MYO9A: variants seen among roughly 807,000 people sequenced by gnomAD.
MYO9A encodes the protein myosin IXA.
In MYO9A, 103 loss-of-function variants were observed where a neutral mutation model predicts 293.3. The observed-to-expected ratio is 0.35, with a 90% confidence interval of 0.30 to 0.41. The LOEUF (loss-of-function observed/expected upper bound fraction) is 0.41. Among genes scored for constraint, MYO9A ranks in the 10% least tolerant of loss-of-function variants. The probability of loss-of-function intolerance (pLI) is 1.00; values close to 1 mark genes in which losing one functional copy is unlikely to be tolerated. For missense variants in MYO9A, 2,685 were observed against 3,033.0 expected, an observed-to-expected ratio of 0.89 and a Z score of 2.69; for synonymous variants, 1,001 against 1,035.7, an observed-to-expected ratio of 0.97 and a Z score of 0.64.
intron 1 of MYO9A, among the ~76,000 whole-genome samples, chr15:72,100,258 T>C (rs1386218429): frequency 6.6e-6 from 1 of 152,116 alleles, no homozygotes; most frequent in East Asian, 1.9e-4. Context: ...GGCTCACACC[T>C]GGAATCCCAG....
intron 1 of MYO9A, among the ~76,000 whole-genome samples, chr15:72,104,185 T>A (rs1465111284): frequency 6.6e-6 from 1 of 152,164 alleles, no homozygotes; most frequent in Admixed American, 6.5e-5. Flanking sequence ...CTCACAAGGG[T>A]AAACAACTGA....
intron 18 of MYO9A, among the ~76,000 whole-genome samples, chr15:71,926,371 C>A (rs147162774): frequency 1.5e-3 from 224 of 152,150 alleles, no homozygotes; most frequent in African/African-American, 4.7e-3. Flanking sequence ...CAAGTCCAGA[C>A]AGGGCAACAT....
chr15:72,084,839 G>A (rs2079665200), intron 1 of MYO9A, among the ~76,000 whole-genome samples: 1 of 152,200 alleles, frequency 6.6e-6, no homozygotes, highest in Admixed American at 6.5e-5. Context: ...CCATTAGTCT[G>A]ATGGGCTTCC....
chr15:72,041,422 G>A (rs2149593368), intron 2 of MYO9A: 1 of 373,338 alleles, frequency 2.7e-6, no homozygotes, highest in East Asian at 7.4e-5. Context: ...TCCACGTTGT[G>A]AACAGAAGGA....
chr15:72,100,061 C>T (rs985280764), intron 1 of MYO9A, among the ~76,000 whole-genome samples: 2 of 151,884 alleles, frequency 1.3e-5, no homozygotes, highest in African/African-American at 2.4e-5. Flanking sequence ...CCAGCCTGGG[C>T]AGTATAGCAA....
In MYO9A at chr15:71,893,051, G is replaced by A. The variant is rs769703670; in HGVS notation, c.5142+628C>T. On this transcript the variant is annotated intron_variant, in intron 26 of 41. Transcript: ENST00000356056. ...GAAGCTTGGTCAAGGGAGAGAAGGG[G>A]CTCAATAATGTCATCGTAATCATCT... 4.5e-5 allele frequency: 58 copies of A among 1,289,722 alleles called. No individual in the cohort carries two copies. In the South Asian group the frequency reaches 7.0e-4, roughly 16 times the overall value. 79.9% of individuals were successfully genotyped at this position (1,289,722 alleles called of 1,614,324 possible).
rs200087998 is a variant in MYO9A, at chr15:71,862,662, G to A, written c.5980-51C>T. Reference sequence around the variant, plus strand: ...TATTAAAGCCAACACAGTAAATGCTGCCCTAACGTGGTGGGAAATCCTTCA... The same window carrying A: ...TATTAAAGCCAACACAGTAAATGCTACCCTAACGTGGTGGGAAATCCTTCA... On this transcript the variant is annotated intron_variant, in intron 32 of 41. Coordinates refer to ENST00000356056, the MANE Select transcript of MYO9A (RefSeq NM_006901.4). The A allele has an allele frequency of 4.3e-5, 53 of 1,220,788 alleles. No individual in the cohort carries two copies. In the East Asian group the frequency reaches 6.6e-4, roughly 15 times the overall value. The allele number at this position is 1,220,788 out of a possible 1,614,324, so 75.6% of individuals were successfully genotyped here. A position where few individuals can be genotyped will look rare whatever the true frequency, so the allele number is the denominator to read the frequency against.
Position 71,879,710 on chromosome 15 carries a change from G to A in MYO9A, c.5739+11C>T. The A allele has an allele frequency of 6.3e-7, 1 of 1,581,832 alleles. No homozygotes were observed. Among genetic ancestry groups the A allele is most frequent in the Non-Finnish European group, 8.7e-7 (1 of 1,151,368 alleles). ...GAACTACTAAATATCTCCTAACATA[G>A]TCCAACTCACCGCCAATGCAGATGA... On this transcript the variant is annotated intron_variant, in intron 30 of 41. Transcript: ENST00000356056.
chr15:72,051,548 C>T (rs1370232164), intron 1 of MYO9A, among the ~76,000 whole-genome samples: 4 of 152,150 alleles, frequency 2.6e-5, no homozygotes, highest in Admixed American at 2.6e-4. Context: ...CAGGAAGGCC[C>T]CCCGCCCAGT....
Position 72,027,718 on chromosome 15 carries a change from T to C in MYO9A, c.998+13A>G. ...TGTTAACTTCATCTAATTACACAAA[T>C]AAAAATACGTACCGTTCATTATGCT... is the stretch of plus-strand genomic sequence containing the variant. On this transcript the variant is annotated intron_variant, in intron 4 of 41. Coordinates refer to ENST00000356056, the MANE Select transcript of MYO9A (RefSeq NM_006901.4). 1.3e-6 allele frequency: 2 copies of C among 1,589,426 alleles called. No homozygotes were observed. The highest frequency in any genetic ancestry group is 1.7e-6 in the Non-Finnish European group (2 of 1,166,786).
intron 15 of MYO9A, among the ~76,000 whole-genome samples, chr15:71,940,104 G>A (rs1567296943): frequency 6.6e-6 from 1 of 152,106 alleles, no homozygotes; most frequent in Admixed American, 6.6e-5. Context: ...AGAGTGCTTG[G>A]CACATAGTCA....
At chr15:71,892,796 C>G (rs1038800194) in intron 26 of MYO9A, 8 of 289,300 alleles carry the variant, frequency 2.8e-5, no homozygotes, top group Non-Finnish European at 4.8e-5. Flanking sequence ...TTAAAGTGCC[C>G]TTTATTTGAG....
chr15:72,073,754 A>C (rs2079262957), intron 1 of MYO9A, among the ~76,000 whole-genome samples: 1 of 152,220 alleles, frequency 6.6e-6, no homozygotes, highest in Non-Finnish European at 1.5e-5. Context: ...AACCGAAAGG[A>C]AACAAAAGGA....
chr15:71,986,377 CCTCTTTGGGTCTGT>C (rs1290267619), intron 11 of MYO9A, among the ~76,000 whole-genome samples: 1 of 152,122 alleles, frequency 6.6e-6, no homozygotes, highest in Non-Finnish European at 1.5e-5. Context: ...ATATCAGAAA[CCTCTTTGGGTCTGT>C]CTCTTAGTCT....
At chr15:71,849,957 T>TATTTTATGAACCCATTCACA in intron 38 of MYO9A, 79 bp downstream of exon 38, 1 of 1,535,348 alleles carries the variant, frequency 6.5e-7, no homozygotes, top group South Asian at 1.2e-5. Flanking sequence ...ACCCATTCAC[T>TATTTTATGAACCCATTCACA]ATGTTTGATA....
At chr15:71,895,466 C>G (rs1188943605) in intron 25 of MYO9A, among the ~76,000 whole-genome samples, 1 of 152,162 alleles carries the variant, frequency 6.6e-6, no homozygotes. Flanking sequence ...CAATGCCGAT[C>G]CTTAATGATG....
intron 1 of MYO9A, among the ~76,000 whole-genome samples, chr15:72,086,412 T>C (rs2079729998): frequency 6.6e-6 from 1 of 150,828 alleles, no homozygotes; most frequent in African/African-American, 2.4e-5. Flanking sequence ...AGCAGCAATG[T>C]TGGCAAGGGG....
chr15:71,858,904 T>G (rs2055989314), intron 34 of MYO9A, among the ~76,000 whole-genome samples: 1 of 151,768 alleles, frequency 6.6e-6, no homozygotes, highest in South Asian at 2.1e-4. Context: ...ATCTCACAGA[T>G]GTAGATTCAC....
intron 18 of MYO9A, among the ~76,000 whole-genome samples, chr15:71,929,584 A>T (rs1018628639): frequency 1.3e-5 from 2 of 152,208 alleles, no homozygotes. Flanking sequence ...ATGATAAATC[A>T]CATTTATTGA....
Sources: gnomAD v4.1 joint callset for allele counts (sites outside exome capture counted in the v4.1 genomes callset) on GRCh38, gnomAD v4.1.1 for gene constraint, MANE v1.5 for transcripts, NCBI Gene and HGNC (gene_info 2026-07-23, HGNC 2026-07-21) for gene names.